MSI2: variants seen among roughly 807,000 people sequenced by gnomAD.
MSI2 encodes RNA-binding protein Musashi homolog 2.
A neutral mutation model predicts 45.6 loss-of-function variants in MSI2; 17 were observed. The ratio of observed to expected loss-of-function variants is 0.37; its 90% CI spans 0.26 to 0.56. The LOEUF is 0.56. Among genes scored for constraint, MSI2 ranks in the 20% least tolerant of loss-of-function variants. The pLI is 0.77. For synonymous variants in MSI2, 156 were observed against 158.2 expected (o/e 0.99, Z 0.11); for missense variants, 293 against 444.2 (o/e 0.66, Z 3.06).
rs964434066 is a variant in MSI2 at position 57,432,182 on chromosome 17, G to C, written c.405+30711G>C. 3.3e-5 allele frequency among the ~76,000 whole-genome samples: 5 copies of C among 152,328 alleles called. No individual in the cohort carries two copies. The East Asian group carries it at 9.6e-4, about 29-fold the overall frequency. ...CACTTAATGTGGCTCTGGTGGATGAGAATCACGGAATTTCGGCTTTGGAAG... is the reference window on the plus strand; with the variant it reads ...CACTTAATGTGGCTCTGGTGGATGACAATCACGGAATTTCGGCTTTGGAAG... On this transcript the variant is annotated intron_variant, in intron 6 of 13. Transcript: ENST00000284073.
the MSI2 span, among the ~76,000 whole-genome samples, chr17:57,697,879 T>G: frequency 2.0e-5 from 3 of 152,260 alleles, no homozygotes; most frequent in African/African-American, 4.8e-5. Flanking sequence ...CAATTCAATA[T>G]GAGATTTGGG....
chr17:57,564,426 CTGA>C, intron 7 of MSI2, among the ~76,000 whole-genome samples: 1 of 152,282 alleles, frequency 6.6e-6, no homozygotes, highest in East Asian at 1.9e-4. Context: ...GGGGGAAGCT[CTGA>C]TGTTTCTGGG....
chr17:57,688,149 G>A (rs1021124767), downstream of MSI2, among the ~76,000 whole-genome samples: 2 of 152,074 alleles, frequency 1.3e-5, no homozygotes, highest in African/African-American at 4.8e-5. Context: ...ACTTGTAGGG[G>A]TGCTGCTGTC....
intron 5 of MSI2, among the ~76,000 whole-genome samples, chr17:57,286,865 G>A (rs982139905): frequency 2.0e-5 from 3 of 152,216 alleles, no homozygotes; most frequent in Middle Eastern, 6.8e-3. Context: ...GGGCAGTGTG[G>A]GAGGAGATGG....
intron 6 of MSI2, among the ~76,000 whole-genome samples, chr17:57,428,949 A>G (rs1391290537): frequency 2.0e-5 from 3 of 152,180 alleles, no homozygotes; most frequent in African/African-American, 4.8e-5. Context: ...GATGCATTCT[A>G]TGGGCCAGGT....
At chr17:57,335,160 G>T (rs1245924381) in intron 5 of MSI2, among the ~76,000 whole-genome samples, 4 of 148,042 alleles carry the variant, frequency 2.7e-5, no homozygotes, top group Non-Finnish European at 5.9e-5. Flanking sequence ...CCGAACCCCA[G>T]CCCCCACCAT....
Position 57,681,976 on chromosome 17 carries a change from A to T in MSI2, c.*2459A>T, listed in dbSNP as rs1913632453. 1 of 211,984 alleles carries T rather than the reference A, an allele frequency of 4.7e-6. No individual in the cohort carries two copies. The highest frequency in any genetic ancestry group is 2.3e-5 in the African/African-American group (1 of 44,148). 13.1% of individuals were successfully genotyped at this position (211,984 alleles called of 1,614,324 possible). A position where few individuals can be genotyped will look rare whatever the true frequency, so the allele number is the denominator to read the frequency against. On this transcript the variant is annotated 3_prime_UTR_variant, in exon 14 of 14. Coordinates refer to ENST00000284073, the MANE Select transcript of MSI2 (RefSeq NM_138962.4). ...CCTCATAGAAGACTCTTTGTTGATCATTGTATGTTAATAATGTATAAAATG... is the reference window on the plus strand; with the variant it reads ...CCTCATAGAAGACTCTTTGTTGATCTTTGTATGTTAATAATGTATAAAATG...
intron 7 of MSI2, among the ~76,000 whole-genome samples, chr17:57,586,721 A>G (rs1423707655): frequency 1.3e-5 from 2 of 152,132 alleles, no homozygotes; most frequent in Non-Finnish European, 2.9e-5. Context: ...CTTCTTAAAG[A>G]CAGCGTTATT....
At chr17:57,526,359 GTGTGTGTGTGTGTGTGTGTGTGTGTGTGT>G (rs1567877881) in intron 6 of MSI2, among the ~76,000 whole-genome samples, 3,316 of 67,008 alleles carry the variant, frequency 0.049, 96 homozygotes, top group East Asian at 0.16. Context: ...ATACCTGGGT[GTGTGTGTGTGTGTGTGTGTGTGTGTGTGT>G]GTGTGTGTGT....
chr17:57,434,936 T>C (rs750261395), intron 6 of MSI2, among the ~76,000 whole-genome samples: 36 of 152,198 alleles, frequency 2.4e-4, no homozygotes, highest in African/African-American at 7.2e-4. Flanking sequence ...GGATATAAGA[T>C]GGACAAGACT....
chr17:57,547,862 G>A (rs949372195), intron 7 of MSI2, among the ~76,000 whole-genome samples: 10 of 151,976 alleles, frequency 6.6e-5, no homozygotes, highest in Admixed American at 6.5e-5. Flanking sequence ...TTGTTTCAGG[G>A]GAACTCTGAG....
At chr17:57,688,617 A>G (rs1913927515), downstream of MSI2, among the ~76,000 whole-genome samples, 1 of 152,192 alleles carries the variant, frequency 6.6e-6, no homozygotes, top group African/African-American at 2.4e-5. Flanking sequence ...TTTGAAAAAT[A>G]CATATATATG....
intron 6 of MSI2, among the ~76,000 whole-genome samples, chr17:57,507,084 C>G (rs1347526030): frequency 6.6e-6 from 1 of 151,860 alleles, no homozygotes; most frequent in Admixed American, 6.6e-5. Flanking sequence ...TATAAAAAAC[C>G]CTTTCTTATT....
At chr17:57,389,268 C>T (rs1170253986) in intron 5 of MSI2, among the ~76,000 whole-genome samples, 3 of 152,058 alleles carry the variant, frequency 2.0e-5, no homozygotes, top group Non-Finnish European at 4.4e-5. Flanking sequence ...TGAGCCACTG[C>T]GCCCGAGCCC....
intron 5 of MSI2, among the ~76,000 whole-genome samples, chr17:57,330,082 T>C (rs930343204): frequency 2.6e-5 from 4 of 152,108 alleles, no homozygotes; most frequent in African/African-American, 9.7e-5. Flanking sequence ...GGGCGGATGG[T>C]AGAGTTTCCA....
At chr17:57,499,518 G>T (rs992134535) in intron 6 of MSI2, among the ~76,000 whole-genome samples, 1 of 152,134 alleles carries the variant, frequency 6.6e-6, no homozygotes, top group Non-Finnish European at 1.5e-5. Context: ...ATAGCATTTG[G>T]AGTTCTTAAT....
rs931544307 is a variant in MSI2, at chr17:57,681,245, CT to C, written c.*1736del. ...TGATGAAGGATATTTTTTAATTTAA[CT>C]TTTTTTTAAATATTGGTAATAGGTC... On this transcript the variant is annotated 3_prime_UTR_variant, in exon 14 of 14. Transcript: ENST00000284073. The C allele has an allele frequency of 1.6e-5, 3 of 184,034 alleles. No individual in the cohort carries two copies. The highest frequency in any genetic ancestry group is 2.0e-3 in the Middle Eastern group (1 of 500). 11.4% of individuals were successfully genotyped at this position (184,034 alleles called of 1,614,324 possible). A position where few individuals can be genotyped will look rare whatever the true frequency, so the allele number is the denominator to read the frequency against.
At chr17:57,570,004 C>T (rs1210946730) in intron 7 of MSI2, among the ~76,000 whole-genome samples, 2 of 152,164 alleles carry the variant, frequency 1.3e-5, no homozygotes, top group Admixed American at 1.3e-4. Flanking sequence ...CCACGGCTGA[C>T]ACACACTCAG....
chr17:57,415,152 G>A (rs2084270498), intron 6 of MSI2, among the ~76,000 whole-genome samples: 1 of 152,102 alleles, frequency 6.6e-6, no homozygotes. Flanking sequence ...AGGGATGGGG[G>A]TACTTGGATG....
Sources: allele counts gnomAD v4.1 joint callset (sites outside exome capture counted in the v4.1 genomes callset), GRCh38; gene constraint gnomAD v4.1.1; transcripts MANE v1.5; gene names NCBI Gene and HGNC (gene_info 2026-07-23, HGNC 2026-07-21).